TRERF1: variants seen among roughly 807,000 people sequenced by gnomAD.
TRERF1 encodes the protein transcriptional-regulating factor 1.
TRERF1 carries 27 observed loss-of-function variants against 122.9 expected under a neutral mutation model. The ratio of observed to expected loss-of-function variants is 0.22; its 90% CI spans 0.16 to 0.30. The LOEUF (loss-of-function observed/expected upper bound fraction) is 0.30. Among genes scored for constraint, TRERF1 ranks in the 10% least tolerant of loss-of-function variants. The probability of loss-of-function intolerance (pLI) is 1.00; values close to 1 mark genes in which losing one functional copy is unlikely to be tolerated. For synonymous variants in TRERF1, 636 were observed against 641.7 expected (o/e 0.99, Z 0.13); for missense variants, 1,248 against 1,560.3 (o/e 0.80, Z 3.37).
intron 2 of TRERF1, among the ~76,000 whole-genome samples, chr6:42,450,392 C>T (rs2151851308): frequency 6.6e-6 from 1 of 152,364 alleles, no homozygotes; most frequent in South Asian, 2.1e-4. Context: ...GACTTCCACG[C>T]ACTCACAAGA....
chr6:42,373,680 A>C (rs1774211948), intron 2 of TRERF1, among the ~76,000 whole-genome samples: 1 of 152,000 alleles, frequency 6.6e-6, no homozygotes, highest in South Asian at 2.1e-4. Flanking sequence ...AAACAAAAAA[A>C]ATTAGCCAGG....
At chr6:42,348,666 G>A (rs1768809719) in intron 3 of TRERF1, among the ~76,000 whole-genome samples, 1 of 152,200 alleles carries the variant, frequency 6.6e-6, no homozygotes, top group South Asian at 2.1e-4. Flanking sequence ...GACGATCCAC[G>A]TATTAATAAC....
intron 4 of TRERF1, among the ~76,000 whole-genome samples, chr6:42,286,543 G>A (rs1321965963): frequency 1.4e-5 from 2 of 143,182 alleles, no homozygotes; most frequent in African/African-American, 5.2e-5. Flanking sequence ...ATGAAAAAAC[G>A]CTCATCATCA....
intron 3 of TRERF1, among the ~76,000 whole-genome samples, chr6:42,330,690 CAG>C (rs1189765050): frequency 2.6e-5 from 4 of 152,086 alleles, no homozygotes; most frequent in Admixed American, 2.6e-4. Context: ...TTTTTTGAGA[CAG>C]AGTCTCATTC....
chr6:42,410,918 C>T (rs1206090807), intron 2 of TRERF1, among the ~76,000 whole-genome samples: 1 of 152,238 alleles, frequency 6.6e-6, no homozygotes, highest in Admixed American at 6.5e-5. Flanking sequence ...GACAAGCCCA[C>T]TCAGTTCCAA....
At chr6:42,331,583 T>C (rs1015579688) in intron 3 of TRERF1, among the ~76,000 whole-genome samples, 10 of 152,070 alleles carry the variant, frequency 6.6e-5, no homozygotes, top group African/African-American at 2.2e-4. Flanking sequence ...GTCAGAGGTA[T>C]AGATCCCGCA....
chr6:42,234,774 A>G (rs1771712675), intron 16 of TRERF1, among the ~76,000 whole-genome samples: 1 of 152,236 alleles, frequency 6.6e-6, no homozygotes, highest in Non-Finnish European at 1.5e-5. Flanking sequence ...ATTAAAAAAT[A>G]TCTTTTCCCT....
At chr6:42,337,622 G>T (rs767970814) in intron 3 of TRERF1, among the ~76,000 whole-genome samples, 3 of 152,174 alleles carry the variant, frequency 2.0e-5, no homozygotes, top group South Asian at 2.1e-4. Flanking sequence ...GATATCAACA[G>T]TGGGCATCAA....
intron 2 of TRERF1, among the ~76,000 whole-genome samples, chr6:42,425,765 G>A (rs576698807): frequency 2.7e-5 from 4 of 149,736 alleles, no homozygotes; most frequent in Non-Finnish European, 4.4e-5. Context: ...GGCTGGTCTC[G>A]AACTCCTGAC....
intron 2 of TRERF1, among the ~76,000 whole-genome samples, chr6:42,371,330 C>T (rs1462617699): frequency 1.3e-5 from 2 of 152,214 alleles, no homozygotes; most frequent in African/African-American, 4.8e-5. Flanking sequence ...GAACTCTCAA[C>T]CTTTCATCTG....
intron 2 of TRERF1, among the ~76,000 whole-genome samples, chr6:42,376,075 C>T (rs984250175): frequency 6.6e-6 from 1 of 152,126 alleles, no homozygotes. Flanking sequence ...GTTTCTCGGC[C>T]TACCACTCAC....
At chr6:42,444,379 G>A (rs900831987) in intron 2 of TRERF1, among the ~76,000 whole-genome samples, 8 of 151,968 alleles carry the variant, frequency 5.3e-5, no homozygotes, top group South Asian at 2.1e-4. Flanking sequence ...CCTCTGTGCC[G>A]CTCAGTAACG....
chr6:42,362,779 C>T (rs1366804819), intron 3 of TRERF1, among the ~76,000 whole-genome samples: 2 of 152,148 alleles, frequency 1.3e-5, no homozygotes, highest in East Asian at 3.9e-4. Flanking sequence ...CAAGAGACAC[C>T]CTCCGCCCCA....
intron 2 of TRERF1, among the ~76,000 whole-genome samples, chr6:42,430,102 A>G (rs565726967): frequency 6.6e-6 from 1 of 151,744 alleles, no homozygotes. Flanking sequence ...AGCTGTAGAA[A>G]GACAGGGCCT....
chr6:42,232,959 CA>C lies in TRERF1; in HGVS notation c.3067-68del, dbSNP rs1229467690. The stretch of plus-strand genomic sequence containing the variant: ...AAGGAAATTAGGGTTATTAGTTACT[CA>C]GTGGTAAACATGGAATACTTGAAAC... On this transcript the variant is annotated intron_variant, in intron 16 of 17. Transcript: ENST00000372922. The surrounding 1 kb of genome is among the most constrained non-coding windows in gnomAD (Gnocchi z 4.5). 1 of 1,487,948 alleles carries C rather than the reference CA, an allele frequency of 6.7e-7. No homozygotes were observed. Among genetic ancestry groups the C allele is most frequent in the Non-Finnish European group, 9.0e-7 (1 of 1,113,098 alleles). The allele number at this position is 1,487,948 out of a possible 1,614,324, so 92.2% of individuals were successfully genotyped here. A position where few individuals can be genotyped will look rare whatever the true frequency, so the allele number is the denominator to read the frequency against.
At chr6:42,367,837 G>C (rs1031816612) in intron 2 of TRERF1, among the ~76,000 whole-genome samples, 1 of 152,002 alleles carries the variant, frequency 6.6e-6, no homozygotes, top group Non-Finnish European at 1.5e-5. Context: ...ACAGAAAGGG[G>C]AAGTGACACA....
intron 2 of TRERF1, among the ~76,000 whole-genome samples, chr6:42,378,426 C>T (rs1775295913): frequency 6.6e-6 from 1 of 151,456 alleles, no homozygotes; most frequent in Admixed American, 6.6e-5. Context: ...GTAACCGGCA[C>T]TGAGAAAACT....
rs758274031 is a variant in TRERF1, at chr6:42,276,441, A to T, written c.-258-6593T>A. ...CTCCAAATGCCTTGGCTTGTGTTTT[A>T]GTCCAGCCTTCCTCTCGGCTCTGTC... is the stretch of plus-strand genomic sequence containing the variant. On this transcript the variant is annotated intron_variant, in intron 4 of 17. Coordinates refer to ENST00000372922, the Ensembl canonical transcript of TRERF1. The surrounding 1 kb of genome is among the most constrained non-coding windows in gnomAD (Gnocchi z 4.3). Among the ~76,000 whole-genome samples the T allele has an allele frequency of 6.6e-6, 1 of 151,998 alleles. No homozygotes were observed. Among genetic ancestry groups the T allele is most frequent in the Non-Finnish European group, 1.5e-5 (1 of 67,958 alleles).
chr6:42,291,350 C>T (rs1268008615), intron 4 of TRERF1, among the ~76,000 whole-genome samples: 1 of 151,758 alleles, frequency 6.6e-6, no homozygotes, highest in Admixed American at 6.6e-5. Flanking sequence ...GTAGTACAGG[C>T]ACGTCCCATG....
Sources: gnomAD v4.1 joint callset for allele counts (sites outside exome capture counted in the v4.1 genomes callset) on GRCh38, gnomAD v4.1.1 for gene constraint, Gnocchi (gnomAD v3.1) non-coding constraint, MANE v1.5 for transcripts, NCBI Gene and HGNC (gene_info 2026-07-23, HGNC 2026-07-21) for gene names.